DCP1B: variants seen among roughly 807,000 people sequenced by gnomAD.
DCP1B encodes the protein mRNA-decapping enzyme 1B.
DCP1B carries 47 observed loss-of-function variants against 60.5 expected under a neutral mutation model. That is an observed-to-expected ratio of 0.78 (90% CI 0.61 to 0.99). DCP1B has a LOEUF of 0.99. Among genes scored for constraint, DCP1B ranks in the 50% least tolerant of loss-of-function variants. The pLI is 0.00. For missense variants in DCP1B, 725 were observed against 756.8 expected, an observed-to-expected ratio of 0.96 and a Z score of 0.49; for synonymous variants, 267 against 280.3, an observed-to-expected ratio of 0.95 and a Z score of 0.47.
chr12:1,952,300 A>T, intron 7 of DCP1B, 116 bp downstream of exon 7: 1 of 1,274,182 alleles, frequency 7.8e-7, no homozygotes, highest in Non-Finnish European at 1.0e-6. Context: ...CAGCCTCCTC[A>T]GTAGCTGGTG....
intron 3 of DCP1B, among the ~76,000 whole-genome samples, chr12:1,978,665 A>G (rs2035157747): frequency 6.6e-6 from 1 of 152,140 alleles, no homozygotes; most frequent in Non-Finnish European, 1.5e-5. Flanking sequence ...TTTTCCAGTC[A>G]ACAACCACAC....
chr12:1,951,907 C>T (rs530816519), intron 7 of DCP1B, among the ~76,000 whole-genome samples: 2 of 152,318 alleles, frequency 1.3e-5, no homozygotes, highest in South Asian at 2.1e-4. Context: ...TCAAAAATTA[C>T]GGTTTTCTCC....
At position 1,992,969 on chromosome 12, in the gene DCP1B, A is replaced by G; in HGVS notation, c.319+295T>C. On this transcript the variant is annotated intron_variant, in intron 3 of 8. Transcript: ENST00000280665. ...AGTCTCCTCACTAAGAACTTGCCTC[A>G]CCCAGCCCTGCTCAGGCTTAAGATC... is the stretch of plus-strand genomic sequence containing the variant. The G allele has an allele frequency of 6.6e-6, 4 of 604,282 alleles. No individual in the cohort carries two copies. The South Asian group carries it at 8.2e-5, about 12-fold the overall frequency. 37.4% of individuals were successfully genotyped at this position (604,282 alleles called of 1,614,324 possible).
In DCP1B at chr12:1,965,635, C is replaced by G. The variant is rs2031268370; in HGVS notation, c.445G>C (p.Val149Leu). 1 of 1,614,026 alleles carries G rather than the reference C, an allele frequency of 6.2e-7. No individual in the cohort carries two copies. The highest frequency in any genetic ancestry group is 8.5e-7 in the Non-Finnish European group (1 of 1,179,928). The part of the protein sequence containing the change: ...HQGTGAGISP[V>L]ILNSGEGKEV... ...TTGCCCTCTCCTGAATTGAGGATCA[C>G]TGGGGAAATTCCTGCTCCAGTTCCC... is the stretch of plus-strand genomic sequence containing the variant. Residue 149 changes from valine to leucine, a missense_variant, in exon 5 of 9, where the codon GTG (valine) becomes CTG (leucine). Transcript: ENST00000280665.
chr12:1,967,955 T>A (rs1333359759), intron 3 of DCP1B, 45 bp from the exon 4 acceptor site: 2 of 1,508,256 alleles, frequency 1.3e-6, no homozygotes, highest in Admixed American at 2.0e-5. Context: ...TCTTCAAAAC[T>A]ACAAAATAGA....
chr12:1,952,907 C>T lies in DCP1B; in HGVS notation c.1033G>A (p.Gly345Ser), dbSNP rs1353541707. ...TGAGTTCTGGAAGCATTTTGTACAC[C>T]ACGAGAAGTTCCAATGTTGTGAGGA... Reference protein sequence around the residue: ...GSPHNIGTSRGVQNASRTQNL... With the variant: ...GSPHNIGTSRSVQNASRTQNL... The change falls in exon 7 of 9, where the codon GGT (glycine) becomes AGT (serine). Residue 345 changes from glycine to serine, a missense_variant. Physicochemically the swap from Gly to Ser is moderately conservative, Grantham distance 56. Coordinates refer to ENST00000280665, the MANE Select transcript of DCP1B (RefSeq NM_152640.5). 1 of 1,614,160 alleles carries T rather than the reference C, an allele frequency of 6.2e-7. No homozygotes were observed. Among genetic ancestry groups the T allele is most frequent in the South Asian group, 1.1e-5 (1 of 91,082 alleles).
intron 3 of DCP1B, chr12:1,991,267 T>C (rs954539902): frequency 4.4e-6 from 2 of 455,728 alleles, no homozygotes; most frequent in Admixed American, 4.7e-5. Flanking sequence ...GCAATGAAAA[T>C]GTCTACTCCA....
rs1233243944 is a variant in DCP1B, at chr12:1,948,957, T to C, written c.1773+129A>G. ...AGCACAGAAGCCGCTGGGGTCAGGA[T>C]GAGTTGTTACACACACCTGTTATTC... On this transcript the variant is annotated intron_variant, in intron 8 of 8. Transcript: ENST00000280665. This position sits in a 1 kb window ranked among gnomAD's most constrained non-coding sequence, Gnocchi z 4.8. 8.1e-7 allele frequency: 1 copy of C among 1,231,252 alleles called. No homozygotes were observed. Among genetic ancestry groups the C allele is most frequent in the Non-Finnish European group, 1.1e-6 (1 of 883,988 alleles). 76.3% of individuals were successfully genotyped at this position (1,231,252 alleles called of 1,614,324 possible). A position where few individuals can be genotyped will look rare whatever the true frequency, so the allele number is the denominator to read the frequency against.
intron 3 of DCP1B, among the ~76,000 whole-genome samples, chr12:1,987,508 T>C (rs1424058722): frequency 1.3e-5 from 2 of 152,216 alleles, no homozygotes; most frequent in East Asian, 1.9e-4. Flanking sequence ...AGAACCCTTC[T>C]CTAGTCACTC....
chr12:1,961,816 G>A (rs994001001), intron 5 of DCP1B, among the ~76,000 whole-genome samples: 4 of 152,160 alleles, frequency 2.6e-5, no homozygotes, highest in Non-Finnish European at 5.9e-5. Flanking sequence ...CCAAGACATA[G>A]GCACAGTATA....
intron 3 of DCP1B, among the ~76,000 whole-genome samples, chr12:1,984,000 A>G (rs1489700807): frequency 6.6e-6 from 1 of 151,802 alleles, no homozygotes; most frequent in Non-Finnish European, 1.5e-5. Flanking sequence ...ATCCCTGGTA[A>G]TTTTCATTGT....
chr12:1,975,221 CA>C (rs1349700235), intron 3 of DCP1B, among the ~76,000 whole-genome samples: 1 of 152,028 alleles, frequency 6.6e-6, no homozygotes, highest in Non-Finnish European at 1.5e-5. Flanking sequence ...TATGTTTAAA[CA>C]GTTAAATTGT....
rs2240610 is a variant in DCP1B, at chr12:1,948,426, A to G, written c.1773+660T>C. Among the ~76,000 whole-genome samples, 73,205 of 152,096 alleles carry G rather than the reference A, an allele frequency of 0.48. 17,831 individuals are homozygous for G. Among genetic ancestry groups the G allele is most frequent in the East Asian group, 0.72 (3,720 of 5,174 alleles). On this transcript the variant is annotated intron_variant, in intron 8 of 8. Coordinates refer to ENST00000280665, the MANE Select transcript of DCP1B (RefSeq NM_152640.5). This position sits in a 1 kb window ranked among gnomAD's most constrained non-coding sequence, Gnocchi z 4.8. Reference sequence around the variant, plus strand: ...GAATGGGAAAAATAACAGGGTTGTTATGTAAGGAGTGAATGAGTTATATGC... The same window carrying G: ...GAATGGGAAAAATAACAGGGTTGTTGTGTAAGGAGTGAATGAGTTATATGC...
downstream of DCP1B, among the ~76,000 whole-genome samples, chr12:1,942,220 C>T (rs4765867): frequency 0.5 from 76,046 of 151,976 alleles, 19,307 homozygotes; most frequent in East Asian, 0.73. Flanking sequence ...GTAAAGGGAT[C>T]AATGCAACAA....
intron 1 of DCP1B, among the ~76,000 whole-genome samples, chr12:1,999,632 G>A (rs1197074157): frequency 6.6e-6 from 1 of 152,140 alleles, no homozygotes; most frequent in Non-Finnish European, 1.5e-5. Flanking sequence ...AGGCTGAGGA[G>A]GGAGGATTGC....
rs71057810 is a variant in DCP1B, at chr12:1,953,157, TTGC to T, written c.780_782del (p.Gln261del). 1.8e-4 allele frequency: 270 copies of T among 1,542,388 alleles called. No individual in the cohort carries two copies. Among genetic ancestry groups the T allele is most frequent in the South Asian group, 2.6e-4 (22 of 85,350 alleles). On this transcript the variant is annotated inframe_deletion, in exon 7 of 9. Transcript: ENST00000280665. Reference sequence around the variant, plus strand: ...CCCCCTGCCTAATTGGAAGCTTCTCTTGCTGCTGCTGCTGCTGCTGCTGCTGCT... The same window carrying T: ...CCCCCTGCCTAATTGGAAGCTTCTCTTGCTGCTGCTGCTGCTGCTGCTGCT...
chr12:1,974,287 A>G (rs550960902), intron 3 of DCP1B, among the ~76,000 whole-genome samples: 1 of 152,326 alleles, frequency 6.6e-6, no homozygotes, highest in African/African-American at 2.4e-5. Flanking sequence ...CTTCTACCAG[A>G]AATTTCAGCA....
At chr12:1,952,382 A>T (rs776659651) in intron 7 of DCP1B, 34 bp downstream of exon 7, 4 of 1,512,052 alleles carry the variant, frequency 2.6e-6, no homozygotes, top group Non-Finnish European at 3.5e-6. Context: ...TATGCTGCCC[A>T]GGCTGTTTTA....
chr12:1,959,311 G>A (rs1396459157), intron 5 of DCP1B, among the ~76,000 whole-genome samples: 1 of 152,222 alleles, frequency 6.6e-6, no homozygotes, highest in Non-Finnish European at 1.5e-5. Flanking sequence ...TGGAGTGGAG[G>A]AAGATACCTG....
Sources: allele counts gnomAD v4.1 joint callset (sites outside exome capture counted in the v4.1 genomes callset), GRCh38; gene constraint gnomAD v4.1.1; non-coding constraint Gnocchi (gnomAD v3.1); transcripts MANE v1.5; gene names NCBI Gene and HGNC (gene_info 2026-07-23, HGNC 2026-07-21).